Variants in NKTR observed in about 807,000 individuals in gnomAD.
NKTR encodes the protein NK-tumor recognition protein.
In NKTR, 67 loss-of-function variants were observed where a neutral mutation model predicts 156.3. That is an observed-to-expected ratio of 0.43 (90% CI 0.35 to 0.53). The LOEUF is 0.53. NKTR is among the 20% of genes least tolerant of loss of function. The pLI is 0.01. For synonymous variants in NKTR, 640 were observed against 596.6 expected (o/e 1.07, Z -1.06); for missense variants, 1,604 against 1,730.9 (o/e 0.93, Z 1.30).
intron 7 of NKTR, 159 bp downstream of exon 7, chr3:42,630,734 G>A: frequency 7.0e-7 from 1 of 1,433,938 alleles, no homozygotes; most frequent in South Asian, 1.7e-5. Flanking sequence ...CTTGTTTTGA[G>A]ACCCCATGGC....
At chr3:42,606,295 A>ATT (rs1706227369) in intron 2 of NKTR, among the ~76,000 whole-genome samples, 1 of 152,038 alleles carries the variant, frequency 6.6e-6, no homozygotes, top group African/African-American at 2.4e-5. Flanking sequence ...TTTATATGTG[A>ATT]TTTTCGATAA....
Position 42,621,454 on chromosome 3 carries a change from C to T in NKTR, c.312C>T (p.Asp104=), listed in dbSNP as rs1230126318. ...FKDENFILKH[D]RAFLLSMANR... ...ATGAAAACTTTATTCTCAAACATGA[C>T]AGAGCGTTCCTTTTATCAATGGCAA... Residue 104 remains aspartate, a synonymous_variant, in exon 6 of 17, where the codon GAC becomes GAT. Coordinates refer to ENST00000232978, the MANE Select transcript of NKTR (RefSeq NM_005385.4). 8 of 1,609,228 alleles carry T rather than the reference C, an allele frequency of 5.0e-6. No individual in the cohort carries two copies. The highest frequency in any genetic ancestry group is 6.8e-6 in the Non-Finnish European group (8 of 1,177,632).
intron 5 of NKTR, chr3:42,620,352 T>C (rs1707799038): frequency 1.1e-5 from 12 of 1,102,240 alleles, no homozygotes; most frequent in Non-Finnish European, 1.2e-5. Context: ...ATATTAGAAC[T>C]ATGACTGTGT....
rs142995445 is a variant in NKTR at position 42,627,729 on chromosome 3, A to G, written c.375-2817A>G. 1.7e-3 allele frequency: 1,638 copies of G among 983,932 alleles called. 3 individuals carry two copies. Among genetic ancestry groups the G allele is most frequent in the South Asian group, 2.1e-3 (45 of 21,252 alleles). 61.0% of individuals were successfully genotyped at this position (983,932 alleles called of 1,614,324 possible). ...ATGCATAAATATTGAAAGGTTTTAC[A>G]ATTTGAAATGTTCTTTGTGGTTTTT... is the stretch of plus-strand genomic sequence containing the variant. On this transcript the variant is annotated intron_variant, in intron 6 of 16. Coordinates refer to ENST00000232978, the MANE Select transcript of NKTR (RefSeq NM_005385.4).
intron 2 of NKTR, chr3:42,611,026 T>G (rs1252013074): frequency 6.6e-6 from 1 of 152,208 alleles, no homozygotes; most frequent in Non-Finnish European, 1.5e-5. Context: ...TTAGTTTTAT[T>G]CATTAATGAA....
intron 2 of NKTR, among the ~76,000 whole-genome samples, chr3:42,609,258 G>A (rs1706540560): frequency 6.6e-6 from 1 of 152,188 alleles, no homozygotes. Flanking sequence ...AGGAACTGGG[G>A]ACAGAGGTCA....
In NKTR at chr3:42,647,306, T is replaced by G. The variant is rs1363502137; in HGVS notation, c.*1331T>G. 3.5e-4 allele frequency: 21 copies of G among 59,456 alleles called. No homozygotes were observed. Among genetic ancestry groups the G allele is most frequent in the African/African-American group, 1.8e-3 (21 of 11,484 alleles). The allele number at this position is 59,456 out of a possible 1,614,324, so 3.7% of individuals were successfully genotyped here. On this transcript the variant is annotated 3_prime_UTR_variant, in exon 17 of 17. Coordinates refer to ENST00000232978, the MANE Select transcript of NKTR (RefSeq NM_005385.4). ...TGTGTGTGTGTGTGTGTGTGTGGTT[T>G]TTTTTTTTAATCTTTACTTTGAATT...
At position 42,638,247 on chromosome 3, in the gene NKTR, A is replaced by G; in HGVS notation, c.2543A>G (p.Lys848Arg). Reference protein sequence around the residue: ...QEKNRGEEKSKSERECPHSKK... With the variant: ...QEKNRGEEKSRSERECPHSKK... Reference sequence around the variant, plus strand: ...AAAAACAGAGGTGAAGAAAAATCCAAGTCTGAACGGGAATGCCCTCATTCA... The same window carrying G: ...AAAAACAGAGGTGAAGAAAAATCCAGGTCTGAACGGGAATGCCCTCATTCA... The change falls in exon 13 of 17, where the codon AAG (lysine) becomes AGG (arginine). Residue 848 changes from lysine to arginine, a missense_variant. Transcript: ENST00000232978. The G allele has an allele frequency of 6.2e-7, 1 of 1,613,100 alleles. No homozygotes were observed. Among genetic ancestry groups the G allele is most frequent in the East Asian group, 2.2e-5 (1 of 44,892 alleles).
intron 6 of NKTR, chr3:42,629,975 G>T (rs995393205): frequency 1.0e-6 from 1 of 985,308 alleles, no homozygotes; most frequent in Non-Finnish European, 1.2e-6. Context: ...GAGTTGCCGT[G>T]TCAGAGCTTC....
chr3:42,642,452 C>T, intron 13 of NKTR, 49 bp from the exon 14 acceptor site: 3 of 1,380,584 alleles, frequency 2.2e-6, no homozygotes, highest in Non-Finnish European at 3.1e-6. Context: ...ATTTTAATAT[C>T]ATGATGAGTC....
intron 2 of NKTR, among the ~76,000 whole-genome samples, chr3:42,610,070 A>G (rs1005348971): frequency 3.9e-5 from 6 of 151,968 alleles, no homozygotes; most frequent in African/African-American, 9.7e-5. Context: ...AAATGGTGCA[A>G]TCTCGGCTCA....
At chr3:42,620,268 T>A in intron 5 of NKTR, 1 of 1,244,354 alleles carries the variant, frequency 8.0e-7, no homozygotes, top group Non-Finnish European at 1.0e-6. Flanking sequence ...GGGTTTTTTT[T>A]CCCCTAAACC....
chr3:42,606,119 A>G (rs1370381964), intron 2 of NKTR, among the ~76,000 whole-genome samples: 3 of 152,170 alleles, frequency 2.0e-5, no homozygotes, highest in African/African-American at 7.2e-5. Context: ...GGAGGCAGAA[A>G]TGAGGTTTGG....
chr3:42,638,316 A>G lies in NKTR; in HGVS notation c.2612A>G (p.Asn871Ser). Residue 871 changes from asparagine to serine, a missense_variant, in exon 13 of 17, where the codon AAT (asparagine) becomes AGT (serine). Around this residue, in one of 6 missense-constraint regions of NKTR, gnomAD observed 1,255 missense variants for 1,243.7 expected, o/e 1.01. Transcript: ENST00000232978. ...GAGAATCTTTCTGATCACCTTAGAA[A>G]TGGCAGTAAGCCCAAAAGGAAGAAT... Reference protein sequence around the residue: ...LKENLSDHLRNGSKPKRKNYA... With the variant: ...LKENLSDHLRSGSKPKRKNYA... The G allele has an allele frequency of 6.2e-7, 1 of 1,610,740 alleles. No homozygotes were observed. The highest frequency in any genetic ancestry group is 8.5e-7 in the Non-Finnish European group (1 of 1,179,138).
chr3:42,606,057 T>A, intron 2 of NKTR, among the ~76,000 whole-genome samples: 1 of 152,106 alleles, frequency 6.6e-6, no homozygotes, highest in Non-Finnish European at 1.5e-5. Context: ...GAGTCATTCT[T>A]GTTTGTCCTA....
chr3:42,630,830 G>A (rs1275318358), intron 7 of NKTR: 1 of 1,332,086 alleles, frequency 7.5e-7, no homozygotes. Context: ...TTTCTCTTCA[G>A]TTTTCCAAAA....
chr3:42,633,429 ATTG>A, intron 9 of NKTR, 148 bp from the exon 10 acceptor site: 1 of 1,414,138 alleles, frequency 7.1e-7, no homozygotes, highest in South Asian at 1.6e-5. Context: ...CTGGGTTGAT[ATTG>A]TTCTCTTTGT....
intron 6 of NKTR, 103 bp downstream of exon 6, chr3:42,621,619 G>A: frequency 8.3e-7 from 1 of 1,206,376 alleles, no homozygotes; most frequent in Non-Finnish European, 1.1e-6. Context: ...AATTCTGTCA[G>A]CTTTATTTTT....
At chr3:42,608,232 C>A (rs1011475792) in intron 2 of NKTR, among the ~76,000 whole-genome samples, 2 of 151,772 alleles carry the variant, frequency 1.3e-5, no homozygotes, top group African/African-American at 4.8e-5. Flanking sequence ...CTCAGGTAAT[C>A]CACCCACCTC....
Sources: gnomAD v4.1 joint callset for allele counts (sites outside exome capture counted in the v4.1 genomes callset) on GRCh38, gnomAD v4.1.1 for gene constraint, gnomAD v4.1.1 regional missense constraint, MANE v1.5 for transcripts, NCBI Gene and HGNC (gene_info 2026-07-23, HGNC 2026-07-21) for gene names.